The following CDHR3 variants were observed in gnomAD, a reference collection of about 807,000 sequenced individuals.
The protein encoded by CDHR3 is cadherin-related family member 3.
CDHR3 carries 79 observed loss-of-function variants against 86.6 expected under a neutral mutation model. That is an observed-to-expected ratio of 0.91 (90% CI 0.76 to 1.10). The LOEUF is 1.10. CDHR3 is among the 50% of genes least tolerant of loss of function. CDHR3 has a pLI of 0.00. For missense variants in CDHR3, 1,081 were observed against 1,077.6 expected, an observed-to-expected ratio of 1.00 and a Z score of -0.04; for synonymous variants, 421 against 402.4, an observed-to-expected ratio of 1.05 and a Z score of -0.55.
rs545737975 is a variant in CDHR3 at position 105,978,027 on chromosome 7, G to A, written c.250-2941G>A. Among the ~76,000 whole-genome samples, 11 of 152,282 alleles carry A rather than the reference G, an allele frequency of 7.2e-5. No homozygotes were observed. In the East Asian group the frequency reaches 1.9e-3, roughly 27 times the overall value. On this transcript the variant is annotated intron_variant, in intron 2 of 18. Transcript: ENST00000317716. ...TAAGAATGCTATGAAGTGGTGTACT[G>A]TTGCTTGCACACTGAAGGTGGGAAA...
At chr7:105,986,052 A>G (rs1830477123) in intron 4 of CDHR3, among the ~76,000 whole-genome samples, 1 of 152,094 alleles carries the variant, frequency 6.6e-6, no homozygotes, top group African/African-American at 2.4e-5. Flanking sequence ...CACCTCCCGG[A>G]TTTACCTCAG....
chr7:106,012,366 A>G (rs188320084), intron 8 of CDHR3, among the ~76,000 whole-genome samples: 1 of 152,210 alleles, frequency 6.6e-6, no homozygotes, highest in Non-Finnish European at 1.5e-5. Flanking sequence ...GATTAGATAG[A>G]TGAAAGAAAG....
chr7:106,012,015 A>T (rs1309670816), intron 8 of CDHR3, among the ~76,000 whole-genome samples: 1 of 152,226 alleles, frequency 6.6e-6, no homozygotes, highest in African/African-American at 2.4e-5. Flanking sequence ...GGGTACAGGG[A>T]TTCTCCCTAG....
intron 6 of CDHR3, among the ~76,000 whole-genome samples, chr7:106,000,969 A>G (rs1235115056): frequency 6.6e-6 from 1 of 151,670 alleles, no homozygotes; most frequent in Non-Finnish European, 1.5e-5. Context: ...GAAGCTTTAC[A>G]ATTTTTCTGG....
At chr7:105,999,636 A>G (rs1469030553) in intron 6 of CDHR3, among the ~76,000 whole-genome samples, 1 of 152,222 alleles carries the variant, frequency 6.6e-6, no homozygotes, top group East Asian at 1.9e-4. Context: ...GATGGGAAGA[A>G]GGGGCTTTTC....
chr7:105,966,074 G>T (rs1226388041), intron 1 of CDHR3, among the ~76,000 whole-genome samples: 1 of 152,114 alleles, frequency 6.6e-6, no homozygotes, highest in Non-Finnish European at 1.5e-5. Context: ...GGCTCTACAA[G>T]AATATAAACT....
At chr7:105,999,965 A>G (rs2115780136) in intron 6 of CDHR3, among the ~76,000 whole-genome samples, 1 of 152,346 alleles carries the variant, frequency 6.6e-6, no homozygotes, top group South Asian at 2.1e-4. Flanking sequence ...AAGCAAAAAC[A>G]TACTACATTA....
At position 105,994,846 on chromosome 7, in the gene CDHR3, G is replaced by T. The variant is rs1831938486; in HGVS notation, c.608+1G>T. The T allele has an allele frequency of 3.1e-6, 5 of 1,601,228 alleles. No individual in the cohort carries two copies. The highest frequency in any genetic ancestry group is 2.7e-5 in the African/African-American group (2 of 74,698). On this transcript the variant is annotated splice_donor_variant, in intron 5 of 18. Transcript: ENST00000317716. LOFTEE classifies it high-confidence loss of function. ...TGGACTTTGAAGCAGGACACAGAAG[G>T]TAGTCTTGCTATTGACCTTGCATGA...
rs1184246863 is a variant in CDHR3 at position 106,013,238 on chromosome 7, CT to C, written c.1224+208del. Reference sequence around the variant, plus strand: ...AATCATTTGTTACACATAGTTGTGCCTGGGCTGCTGAGGACTGGATTCTTCC... The same window carrying C: ...AATCATTTGTTACACATAGTTGTGCCGGGCTGCTGAGGACTGGATTCTTCC... On this transcript the variant is annotated intron_variant, in intron 9 of 18. Transcript: ENST00000317716. 2.6e-5 allele frequency among the ~76,000 whole-genome samples: 4 copies of C among 152,306 alleles called. No individual in the cohort carries two copies. The East Asian group carries it at 7.7e-4, about 29-fold the overall frequency.
intron 5 of CDHR3, among the ~76,000 whole-genome samples, chr7:105,995,878 C>T (rs183993614): frequency 3.8e-4 from 58 of 152,172 alleles, no homozygotes; most frequent in Admixed American, 1.6e-3. Flanking sequence ...GGCTCTGCGT[C>T]GGGTGTGGGA....
At chr7:106,023,009 A>G (rs1398125802) in intron 14 of CDHR3, among the ~76,000 whole-genome samples, 2 of 152,232 alleles carry the variant, frequency 1.3e-5, no homozygotes, top group Admixed American at 1.3e-4. Flanking sequence ...AAACAAGCCA[A>G]AAATGATCCC....
At chr7:105,975,515 A>G (rs1003664951) in intron 2 of CDHR3, among the ~76,000 whole-genome samples, 1 of 152,216 alleles carries the variant, frequency 6.6e-6, no homozygotes, top group Admixed American at 6.5e-5. Context: ...TAACAAAAAT[A>G]TAAGTCTAAA....
At chr7:105,996,567 T>G (rs1472286659) in intron 6 of CDHR3, among the ~76,000 whole-genome samples, 3 of 152,104 alleles carry the variant, frequency 2.0e-5, no homozygotes, top group African/African-American at 7.2e-5. Flanking sequence ...ACCCACACAT[T>G]CACATGCACC....
chr7:105,969,768 T>C (rs1827650475), intron 1 of CDHR3, among the ~76,000 whole-genome samples: 1 of 152,204 alleles, frequency 6.6e-6, no homozygotes, highest in Non-Finnish European at 1.5e-5. Context: ...CTGTAGTGCA[T>C]ATCCTTACTT....
chr7:106,010,377 T>C (rs1002690683), intron 8 of CDHR3, among the ~76,000 whole-genome samples: 6 of 152,210 alleles, frequency 3.9e-5, no homozygotes, highest in Non-Finnish European at 8.8e-5. Flanking sequence ...GTTTTTAAAG[T>C]GCTTGGTATG....
Position 106,017,753 on chromosome 7 carries a change from C to T in CDHR3, c.1427-93C>T, listed in dbSNP as rs185190389. The stretch of plus-strand genomic sequence containing the variant: ...GGACAGCAAGGAGGCCTCCAGAAGT[C>T]CTTCTTACCATGGCAGTTAGGACAT... On this transcript the variant is annotated intron_variant, in intron 11 of 18. Coordinates refer to ENST00000317716, the MANE Select transcript of CDHR3 (RefSeq NM_152750.5). 3 of 1,023,314 alleles carry T rather than the reference C, an allele frequency of 2.9e-6. No individual in the cohort carries two copies. The East Asian group carries it at 7.9e-5, about 27-fold the overall frequency. 63.4% of individuals were successfully genotyped at this position (1,023,314 alleles called of 1,614,324 possible).
intron 4 of CDHR3, among the ~76,000 whole-genome samples, chr7:105,994,238 T>C (rs1380179794): frequency 6.7e-6 from 1 of 149,012 alleles, no homozygotes; most frequent in African/African-American, 2.6e-5. Flanking sequence ...CTGTATTAAA[T>C]AGGTAATAGG....
rs563137220 is a variant in CDHR3, at chr7:106,017,854, C to T, written c.1435C>T (p.Arg479Ter). 2.3e-5 allele frequency: 37 copies of T among 1,577,400 alleles called. 1 individual carries two copies. The South Asian group carries it at 3.0e-4, about 13-fold the overall frequency. Residue 479 changes from arginine (R) to a stop codon, truncating the protein, a stop_gained, in exon 12 of 19, where the codon CGA (arginine) becomes TGA (stop). Transcript: ENST00000317716. LOFTEE classifies it high-confidence loss of function. ...DVSERRPARTRVGQVRATDKD... is the reference protein window; with the variant it reads ...DVSERRPART ...GTACTTTATTCCTCCAGCCAGAACC[C>T]GAGTGGGACAGGTGCGAGCCACTGA...
intron 17 of CDHR3, 43 bp downstream of exon 17, chr7:106,028,625 G>C: frequency 6.2e-7 from 1 of 1,610,758 alleles, no homozygotes; most frequent in South Asian, 1.1e-5. Flanking sequence ...GACGCTGGGG[G>C]ATAGGGGCTC....
Sources: allele counts gnomAD v4.1 joint callset (sites outside exome capture counted in the v4.1 genomes callset), GRCh38; gene constraint gnomAD v4.1.1; transcripts MANE v1.5; gene names NCBI Gene and HGNC (gene_info 2026-07-23, HGNC 2026-07-21).